The following RYR1 variants were observed in gnomAD, a reference collection of about 807,000 sequenced individuals.
RYR1 encodes ryanodine receptor 1.
In RYR1, 342 loss-of-function variants were observed where a neutral mutation model predicts 583.5. The observed-to-expected ratio is 0.59, with a 90% confidence interval of 0.54 to 0.64. The LOEUF (loss-of-function observed/expected upper bound fraction) is 0.64. RYR1 is among the 30% of genes least tolerant of loss of function. RYR1 has a pLI of 0.00. For synonymous variants in RYR1, 2,791 were observed against 2,822.5 expected (o/e 0.99, Z 0.35); for missense variants, 6,032 against 6,917.2 (o/e 0.87, Z 4.54).
chr19:38,496,981 G>T lies in RYR1; in HGVS notation c.6891+27G>T. 6.3e-7 allele frequency: 1 copy of T among 1,589,268 alleles called. No individual in the cohort carries two copies. The highest frequency in any genetic ancestry group is 8.6e-7 in the Non-Finnish European group (1 of 1,158,222). Reference sequence around the variant, plus strand: ...TGTGGAGGGCAGGGCTGGGCCCCAGGCCTAAGGGAGGAAATCGGGCCGCTA... The same window carrying T: ...TGTGGAGGGCAGGGCTGGGCCCCAGTCCTAAGGGAGGAAATCGGGCCGCTA... On this transcript the variant is annotated intron_variant, in intron 42 of 105. Transcript: ENST00000359596. The surrounding 1 kb of genome is among the most constrained non-coding windows in gnomAD (Gnocchi z 4.8).
chr19:38,442,487 A>G (rs1972739996), intron 3 of RYR1, 34 bp downstream of exon 3: 1 of 1,538,014 alleles, frequency 6.5e-7, no homozygotes, highest in Non-Finnish European at 9.0e-7. Flanking sequence ...GCGGGGTGGC[A>G]GAGATGGGCG....
rs536143193 is a variant in RYR1, at chr19:38,458,330, A to G, written c.2167+38A>G. On this transcript the variant is annotated intron_variant, in intron 18 of 105. Transcript: ENST00000359596. ...TTCCAGGGGACCCTCACCCCTGACCATTGACCCCAGCATTTCTAAGTCTCT... is the reference window on the plus strand; with the variant it reads ...TTCCAGGGGACCCTCACCCCTGACCGTTGACCCCAGCATTTCTAAGTCTCT... 7.5e-6 allele frequency: 12 copies of G among 1,592,766 alleles called. No homozygotes were observed. The South Asian group carries it at 9.9e-5, about 13-fold the overall frequency.
At position 38,494,555 on chromosome 19, in the gene RYR1, G is replaced by T. The variant is rs143398211; in HGVS notation, c.6478G>T (p.Gly2160Cys). The T allele has an allele frequency of 1.2e-6, 2 of 1,614,066 alleles. No individual in the cohort carries two copies. Among genetic ancestry groups the T allele is most frequent in the South Asian group, 1.1e-5 (1 of 91,080 alleles). ...EDTMSLLECLGQIRSLLIVQM... is the reference protein window; with the variant it reads ...EDTMSLLECLCQIRSLLIVQM... ...CACCATGAGCCTGCTCGAGTGCCTCGGCCAGATCCGCTCGCTGCTCATCGT... is the reference window on the plus strand; with the variant it reads ...CACCATGAGCCTGCTCGAGTGCCTCTGCCAGATCCGCTCGCTGCTCATCGT... The change falls in exon 39 of 106, where the codon GGC (glycine) becomes TGC (cysteine). Residue 2160 changes from glycine (G) to cysteine (C), a missense_variant. Around this residue, in one of 11 missense-constraint regions of RYR1, gnomAD observed 2,627 missense variants for 2,961.3 expected, o/e 0.89. Coordinates refer to ENST00000359596, the MANE Select transcript of RYR1 (RefSeq NM_000540.3).
At chr19:38,508,357 G>A (rs1359277316) in intron 58 of RYR1, among the ~76,000 whole-genome samples, 2 of 151,970 alleles carry the variant, frequency 1.3e-5, no homozygotes, top group African/African-American at 4.8e-5. Flanking sequence ...CCACAGGCAC[G>A]GGCGCCGCCA....
intron 97 of RYR1, among the ~76,000 whole-genome samples, chr19:38,576,390 A>C (rs1325454112): frequency 1.3e-5 from 2 of 152,200 alleles, no homozygotes; most frequent in Non-Finnish European, 2.9e-5. Flanking sequence ...CAGAAGTTGC[A>C]GTGAGCCAAG....
intron 29 of RYR1, 131 bp from the exon 30 acceptor site, chr19:38,477,579 G>T (rs1451468206): frequency 5.8e-6 from 6 of 1,033,064 alleles, no homozygotes; most frequent in Admixed American, 5.6e-5. Flanking sequence ...GGGGGTGGGG[G>T]ACTCAGATCC....
At chr19:38,584,820 T>G in intron 101 of RYR1, 123 bp from the exon 102 acceptor site, 1 of 1,171,030 alleles carries the variant, frequency 8.5e-7, no homozygotes, top group South Asian at 1.3e-5. Context: ...GTGAGCCCTT[T>G]GAGGGCAGGG....
chr19:38,502,683 G>C lies in RYR1; in HGVS notation c.7791G>C (p.Lys2597Asn). 3 of 1,609,008 alleles carry C rather than the reference G, an allele frequency of 1.9e-6. No individual in the cohort carries two copies. The highest frequency in any genetic ancestry group is 1.1e-5 in the South Asian group (1 of 90,970). The change falls in exon 48 of 106, where the codon AAG (lysine) becomes AAC (asparagine). Residue 2597 changes from lysine to asparagine, a missense_variant. By Grantham distance (94) the Lys-to-Asn change is moderately conservative (BLOSUM62 0). Around this residue, in one of 11 missense-constraint regions of RYR1, gnomAD observed 250 missense variants for 162.3 expected, o/e 1.54. Transcript: ENST00000359596. ...YRLSRGRSLT[K>N]AQRDVIEDCL... is the part of the protein sequence containing the mutation. The stretch of plus-strand genomic sequence containing the variant: ...TGTCTCGGGGTCGTTCGCTCACCAA[G>C]GCGCAGCGTGACGTCATCGAGGACT...
chr19:38,544,952 TTGAC>T (rs988722543), intron 87 of RYR1, among the ~76,000 whole-genome samples: 1 of 152,190 alleles, frequency 6.6e-6, no homozygotes, highest in South Asian at 2.1e-4. Flanking sequence ...TGCCTCCTCT[TTGAC>T]TGCATTTGCA....
At chr19:38,577,327 T>C (rs1300940819) in intron 97 of RYR1, among the ~76,000 whole-genome samples, 3 of 152,206 alleles carry the variant, frequency 2.0e-5, no homozygotes, top group East Asian at 3.9e-4. Context: ...ACACTAGATA[T>C]GTTGGCTGTT....
chr19:38,436,550 T>C (rs965825524), intron 1 of RYR1, among the ~76,000 whole-genome samples: 2 of 152,166 alleles, frequency 1.3e-5, no homozygotes, highest in African/African-American at 4.8e-5. Flanking sequence ...CATTCATCCA[T>C]GTAGCATGTA....
chr19:38,457,646 T>A lies in RYR1; in HGVS notation c.1925+16T>A, dbSNP rs1315477287. ...ATGTCACCAGGTCTGGCTCTCAACA[T>A]CTGACCCCAGAACTCAGAACCTCTC... On this transcript the variant is annotated intron_variant, in intron 17 of 105. Transcript: ENST00000359596. The A allele has an allele frequency of 6.2e-7, 1 of 1,613,738 alleles. No homozygotes were observed. The highest frequency in any genetic ancestry group is 8.5e-7 in the Non-Finnish European group (1 of 1,179,662).
chr19:38,534,655 T>C, intron 78 of RYR1, 65 bp from the exon 79 acceptor site: 3 of 1,382,800 alleles, frequency 2.2e-6, no homozygotes, highest in South Asian at 1.2e-5. Context: ...GAAGTGAGAA[T>C]GTGAGGGGGA....
intron 84 of RYR1, among the ~76,000 whole-genome samples, chr19:38,541,750 C>T (rs1972203970): frequency 6.6e-6 from 1 of 151,606 alleles, no homozygotes; most frequent in South Asian, 2.1e-4. Flanking sequence ...AGATTGCAGT[C>T]AGAAAAGATT....
In RYR1 at chr19:38,502,527, G is replaced by C. The variant is rs193922820; in HGVS notation, c.7635G>C (p.Glu2545Asp). The change falls in exon 48 of 106, where the codon GAG becomes GAC. Residue 2545 changes from glutamate (E) to aspartate (D), a missense_variant. Transcript: ENST00000359596. ...SLDTATFSTT[E>D]MALALNRYLC... ...CCTAGGCCACTTTCAGCACCACCGAGATGGCGCTGGCGCTGAACCGCTACC... is the reference window on the plus strand; with the variant it reads ...CCTAGGCCACTTTCAGCACCACCGACATGGCGCTGGCGCTGAACCGCTACC... 6 of 1,608,922 alleles carry C rather than the reference G, an allele frequency of 3.7e-6. No homozygotes were observed. In the East Asian group the frequency reaches 1.3e-4, roughly 36 times the overall value.
In RYR1 at chr19:38,558,221, G is replaced by A. The variant is rs1972964975; in HGVS notation, c.12283-2892G>A. On this transcript the variant is annotated intron_variant, in intron 89 of 105. Coordinates refer to ENST00000359596, the MANE Select transcript of RYR1 (RefSeq NM_000540.3). Reference sequence around the variant, plus strand: ...CCCAACTTGGAAGGCTAAGACGGGAGGATCACTTGAGCCCAGGAGGTCGAG... The same window carrying A: ...CCCAACTTGGAAGGCTAAGACGGGAAGATCACTTGAGCCCAGGAGGTCGAG... Among the ~76,000 whole-genome samples the A allele has an allele frequency of 4.6e-5, 7 of 152,150 alleles. No individual in the cohort carries two copies. The South Asian group carries it at 1.5e-3, about 32-fold the overall frequency.
At position 38,473,662 on chromosome 19, in the gene RYR1, A is replaced by G. The variant is rs1479091383; in HGVS notation, c.4051A>G (p.Thr1351Ala). 6.4e-7 allele frequency: 1 copy of G among 1,553,214 alleles called. No individual in the cohort carries two copies. Among genetic ancestry groups the G allele is most frequent in the African/African-American group, 1.4e-5 (1 of 73,230 alleles). Reference sequence around the variant, plus strand: ...CGAGGCAGAGAACGGCAAAGAAGGGACTGCGAAGGAGGGCGCCCCCGGGGG... The same window carrying G: ...CGAGGCAGAGAACGGCAAAGAAGGGGCTGCGAAGGAGGGCGCCCCCGGGGG... ...WSEAENGKEGTAKEGAPGGTP... is the reference protein window; with the variant it reads ...WSEAENGKEGAAKEGAPGGTP... The change falls in exon 28 of 106, where the codon ACT becomes GCT. Residue 1351 changes from threonine (T) to alanine (A), a missense_variant. Physicochemically the swap from Thr to Ala is moderately conservative, Grantham distance 58. This residue lies in a region of RYR1 where 2,627 missense variants were observed against 2,961.3 expected (regional missense o/e 0.89). Coordinates refer to ENST00000359596, the MANE Select transcript of RYR1 (RefSeq NM_000540.3).
intron 24 of RYR1, 32 bp from the exon 25 acceptor site, chr19:38,467,578 G>C: frequency 3.1e-6 from 5 of 1,612,136 alleles, no homozygotes; most frequent in Non-Finnish European, 4.2e-6. Context: ...ATCTTCCCTA[G>C]CCTCTCTGAC....
At position 38,496,929 on chromosome 19, in the gene RYR1, C is replaced by T. The variant is rs759553786; in HGVS notation, c.6866C>T (p.Ala2289Val). ...SVIDNNELAL[A>V]LQEQDLEKVV... The stretch of plus-strand genomic sequence containing the variant: ...ATTGACAACAATGAGCTGGCCTTGG[C>T]ATTGCAGGAGCAGGACCTGGAAAAG... Residue 2289 changes from alanine (A) to valine (V), a missense_variant, in exon 42 of 106, where the codon GCA becomes GTA. By Grantham distance (64) the Ala-to-Val change is moderately conservative. Transcript: ENST00000359596. The surrounding 1 kb of genome is among the most constrained non-coding windows in gnomAD (Gnocchi z 4.8). The T allele has an allele frequency of 6.2e-7, 1 of 1,613,588 alleles. No individual in the cohort carries two copies. Among genetic ancestry groups the T allele is most frequent in the Non-Finnish European group, 8.5e-7 (1 of 1,179,952 alleles).
Sources: gnomAD v4.1 joint callset for allele counts (sites outside exome capture counted in the v4.1 genomes callset) on GRCh38, gnomAD v4.1.1 for gene constraint, gnomAD v4.1.1 regional missense constraint, Gnocchi (gnomAD v3.1) non-coding constraint, MANE v1.5 for transcripts, NCBI Gene and HGNC (gene_info 2026-07-23, HGNC 2026-07-21) for gene names.